Variants in KIF17 observed in about 807,000 individuals in gnomAD.
The protein encoded by KIF17 is kinesin family member 17.
A neutral mutation model predicts 96.8 loss-of-function variants in KIF17; 80 were observed. That is an observed-to-expected ratio of 0.83 (90% CI 0.69 to 1.00). The LOEUF is 1.00. Among genes scored for constraint, KIF17 ranks in the 50% least tolerant of loss-of-function variants. The pLI, the probability that KIF17 is intolerant of heterozygous loss-of-function variation, is 0.00. For synonymous variants in KIF17, 567 were observed against 587.5 expected (o/e 0.97, Z 0.51); for missense variants, 1,280 against 1,372.9 (o/e 0.93, Z 1.07).
intron 6 of KIF17, among the ~76,000 whole-genome samples, chr1:20,696,350 A>C (rs1284777861): frequency 2.0e-5 from 3 of 152,040 alleles, no homozygotes; most frequent in Non-Finnish European, 4.4e-5. Context: ...GGAGGGACGC[A>C]GGGATAGCGG....
At chr1:20,686,757 C>T (rs529922984) in intron 8 of KIF17, among the ~76,000 whole-genome samples, 2 of 152,290 alleles carry the variant, frequency 1.3e-5, no homozygotes, top group South Asian at 4.1e-4. Context: ...GGTTTCACTT[C>T]ACCATGTTGG....
Position 20,709,784 on chromosome 1 carries a change from G to A in KIF17, c.525C>T (p.Ser175=). ...GGGCCACGCTGTGCACCGTGTGCAT[G>A]GACAGCCCCTTCACGTACACGCCCT... ...PEKGVYVKGL[S]MHTVHSVAQC... is the part of the protein sequence containing the mutation. The change falls in exon 4 of 15, where the codon TCC becomes TCT. Residue 175 remains serine (S), a synonymous_variant. Transcript: ENST00000400463. This position sits in a 1 kb window ranked among gnomAD's most constrained non-coding sequence, Gnocchi z 4.7. 1 of 1,613,968 alleles carries A rather than the reference G, an allele frequency of 6.2e-7. No individual in the cohort carries two copies. The highest frequency in any genetic ancestry group is 8.5e-7 in the Non-Finnish European group (1 of 1,179,984).
At chr1:20,717,436 T>A (rs1212622991) in intron 1 of KIF17, 40 bp downstream of exon 1, 3 of 1,604,930 alleles carry the variant, frequency 1.9e-6, no homozygotes. Flanking sequence ...GGCGGCCTCA[T>A]GCCCTGCCGC....
rs1404914676 is a variant in KIF17, at chr1:20,685,550, G to A, written c.2019+496C>T. On this transcript the variant is annotated intron_variant, in intron 9 of 14. Coordinates refer to ENST00000400463, the MANE Select transcript of KIF17 (RefSeq NM_001122819.3). The surrounding 1 kb of genome is among the most constrained non-coding windows in gnomAD (Gnocchi z 4.1). ...CACCCCAGAGTCACTTCCTAGCCAG[G>A]GCTGCCCCGGCTGCTCCATCTACGC... Among the ~76,000 whole-genome samples, 2 of 151,964 alleles carry A rather than the reference G, an allele frequency of 1.3e-5. No homozygotes were observed. The highest frequency in any genetic ancestry group is 2.9e-5 in the Non-Finnish European group (2 of 68,006).
chr1:20,663,138 C>T (rs2053466482), downstream of KIF17, among the ~76,000 whole-genome samples: 1 of 152,150 alleles, frequency 6.6e-6, no homozygotes, highest in African/African-American at 2.4e-5. Flanking sequence ...ACAGGAGAAT[C>T]GCTTGAACCC....
At chr1:20,711,296 C>A (rs1384284442) in intron 3 of KIF17, among the ~76,000 whole-genome samples, 1 of 152,142 alleles carries the variant, frequency 6.6e-6, no homozygotes, top group Admixed American at 6.5e-5. Context: ...TCTCCCGCCA[C>A]GATATTTTCC....
At chr1:20,673,519 G>A (rs929979185) in intron 11 of KIF17, among the ~76,000 whole-genome samples, 1 of 148,298 alleles carries the variant, frequency 6.7e-6, no homozygotes, top group Non-Finnish European at 1.5e-5. Flanking sequence ...AGCTACAGTG[G>A]CCCAGCCTGC....
intron 11 of KIF17, among the ~76,000 whole-genome samples, chr1:20,682,069 A>G (rs1345792056): frequency 1.3e-5 from 2 of 151,964 alleles, no homozygotes; most frequent in Non-Finnish European, 2.9e-5. Context: ...TCTCTTACTT[A>G]TTTCTCTCCT....
chr1:20,689,764 G>C (rs1453025668), intron 7 of KIF17, among the ~76,000 whole-genome samples: 1 of 149,996 alleles, frequency 6.7e-6, no homozygotes. Flanking sequence ...TGCTAACAGA[G>C]AGGCTCAAAA....
At chr1:20,662,086 A>G (rs1386339523), downstream of KIF17, among the ~76,000 whole-genome samples, 2 of 152,252 alleles carry the variant, frequency 1.3e-5, no homozygotes, top group East Asian at 1.9e-4. Context: ...GGCTGTAAAT[A>G]GGACTAAGGA....
intron 4 of KIF17, among the ~76,000 whole-genome samples, chr1:20,706,581 A>G (rs892996539): frequency 1.5e-5 from 2 of 134,446 alleles, no homozygotes; most frequent in Non-Finnish European, 3.5e-5. Flanking sequence ...ACAGAGCAAG[A>G]TTCTGTCTCA....
At position 20,669,690 on chromosome 1, in the gene KIF17, G is replaced by T. The variant is rs1391898694; in HGVS notation, c.2790+731C>A. Reference sequence around the variant, plus strand: ...AGATCGAGACCATCCTGGCCAACCCGGTGAAACTCTGTCTCTACTAAAAAT... The same window carrying T: ...AGATCGAGACCATCCTGGCCAACCCTGTGAAACTCTGTCTCTACTAAAAAT... On this transcript the variant is annotated intron_variant, in intron 13 of 14. Coordinates refer to ENST00000400463, the MANE Select transcript of KIF17 (RefSeq NM_001122819.3). Among the ~76,000 whole-genome samples, 5 of 149,102 alleles carry T rather than the reference G, an allele frequency of 3.4e-5. 1 individual carries two copies. The South Asian group carries it at 1.1e-3, about 32-fold the overall frequency.
intron 12 of KIF17, among the ~76,000 whole-genome samples, chr1:20,670,784 G>A (rs1333221735): frequency 3.3e-5 from 5 of 152,140 alleles, no homozygotes; most frequent in Non-Finnish European, 7.4e-5. Context: ...AAATGGAGGC[G>A]GGCTGGGGTC....
intron 10 of KIF17, 22 bp from the exon 11 acceptor site, chr1:20,682,906 C>A: frequency 1.3e-6 from 2 of 1,597,118 alleles, no homozygotes; most frequent in African/African-American, 1.3e-5. Flanking sequence ...GAGGAGAAAG[C>A]AAACAAGACA....
rs747847448 is a variant in KIF17 at position 20,671,952 on chromosome 1, G to T, written c.2708C>A (p.Thr903Asn). The T allele has an allele frequency of 1.2e-6, 2 of 1,613,624 alleles. No individual in the cohort carries two copies. Among genetic ancestry groups the T allele is most frequent in the African/African-American group, 1.3e-5 (1 of 74,928 alleles). ...AAGCTCCTGACCTACTGGGAGGCTG[G>T]TTTTTGTGATGACGGGATGTGGGAT... ...WKIPHPVITK[T>N]SLPVVSTGPQ... is the part of the protein sequence containing the mutation. Residue 903 changes from threonine to asparagine, a missense_variant, in exon 12 of 15, where the codon ACC becomes AAC. Coordinates refer to ENST00000400463, the MANE Select transcript of KIF17 (RefSeq NM_001122819.3).
chr1:20,682,771 A>T lies in KIF17; in HGVS notation c.2345T>A (p.Val782Glu), dbSNP rs762986160. 2.5e-6 allele frequency: 4 copies of T among 1,613,036 alleles called. No homozygotes were observed. Among genetic ancestry groups the T allele is most frequent in the Non-Finnish European group, 3.4e-6 (4 of 1,180,028 alleles). ...RYADERRKQL[V>E]AALQNSDEDS... ...CTCATCCGAGTTCTGCAGGGCAGCC[A>T]CCAGCTGCTTCCTGCGCTCGTCTGC... The change falls in exon 11 of 15, where the codon GTG becomes GAG. Residue 782 changes from valine (V) to glutamate (E), a missense_variant. Transcript: ENST00000400463.
In KIF17 at chr1:20,672,697, G is replaced by A. The variant is rs79888202; in HGVS notation, c.2464-501C>T. On this transcript the variant is annotated intron_variant, in intron 11 of 14. Transcript: ENST00000400463. The surrounding 1 kb of genome is among the most constrained non-coding windows in gnomAD (Gnocchi z 4.3). ...TCCCACTGCCACAGCCCTGTGTGAC[G>A]GTGTGACAAACACTGGACCTAAACA... Among the ~76,000 whole-genome samples, 1,407 of 152,206 alleles carry A rather than the reference G, an allele frequency of 9.2e-3. 20 individuals carry two copies. The highest frequency in any genetic ancestry group is 0.032 in the African/African-American group (1,333 of 41,526).
At chr1:20,674,122 T>G (rs919621472) in intron 11 of KIF17, among the ~76,000 whole-genome samples, 1 of 151,858 alleles carries the variant, frequency 6.6e-6, no homozygotes, top group African/African-American at 2.4e-5. Context: ...AAAGACAGGA[T>G]CTCCCTGTGT....
chr1:20,713,505 G>C lies in KIF17; in HGVS notation c.429C>G (p.Tyr143Ter), dbSNP rs768097968. The change falls in exon 3 of 15, where the codon TAC becomes TAG. Residue 143 changes from tyrosine (Y) to a stop codon, truncating the protein, a stop_gained. Transcript: ENST00000400463. LOFTEE classifies it high-confidence loss of function. ...CAAGGAGGTCCCGGACATCTTCATTGTAGATCTCCAGGTAGGAGGCCCGGA... is the reference window on the plus strand; with the variant it reads ...CAAGGAGGTCCCGGACATCTTCATTCTAGATCTCCAGGTAGGAGGCCCGGA... ...FLVRASYLEI[Y>*]NEDVRDLLGA... is the part of the protein sequence containing the mutation. The C allele has an allele frequency of 1.4e-5, 22 of 1,613,350 alleles. No homozygotes were observed. The African/African-American group carries it at 2.9e-4, about 22-fold the overall frequency.
Sources: gnomAD v4.1 joint callset for allele counts (sites outside exome capture counted in the v4.1 genomes callset) on GRCh38, gnomAD v4.1.1 for gene constraint, Gnocchi (gnomAD v3.1) non-coding constraint, MANE v1.5 for transcripts, NCBI Gene and HGNC (gene_info 2026-07-23, HGNC 2026-07-21) for gene names.